Variants in MYBPC3 observed in about 807,000 individuals in gnomAD.
MYBPC3 encodes myosin-binding protein C, cardiac-type.
Under a neutral mutation model 159.3 loss-of-function variants are expected in MYBPC3, and 108 were observed. The observed-to-expected ratio is 0.68, with a 90% CI of 0.58 to 0.80. The LOEUF is 0.80. MYBPC3 is among the 30% of genes least tolerant of loss of function. The pLI is 0.00. For missense variants in MYBPC3, 1,631 were observed against 1,762.1 expected (o/e 0.93, Z 1.33); for synonymous variants, 730 against 702.0 (o/e 1.04, Z -0.63).
intron 8 of MYBPC3, 68 bp from the exon 9 acceptor site, chr11:47,347,547 T>C (rs1390882264): frequency 1.3e-6 from 2 of 1,562,682 alleles, no homozygotes; most frequent in African/African-American, 2.7e-5. Context: ...AGGATGGGAG[T>C]GGAGTGGGGA....
At position 47,333,091 on chromosome 11, in the gene MYBPC3, G is replaced by A. The variant is rs1016345675; in HGVS notation, c.3330+103C>T. 4 of 1,521,182 alleles carry A rather than the reference G, an allele frequency of 2.6e-6. No homozygotes were observed. The Admixed American group carries it at 8.0e-5, about 30-fold the overall frequency. The allele number at this position is 1,521,182 out of a possible 1,614,324, so 94.2% of individuals were successfully genotyped here. A position where few individuals can be genotyped will look rare whatever the true frequency, so the allele number is the denominator to read the frequency against. Reference sequence around the variant, plus strand: ...CTATGGAGGGATTCAGATCAGCAGAGGGAGGGTGAGGGGTCCACGGTGAGG... The same window carrying A: ...CTATGGAGGGATTCAGATCAGCAGAAGGAGGGTGAGGGGTCCACGGTGAGG... On this transcript the variant is annotated intron_variant, in intron 30 of 34. Transcript: ENST00000545968.
chr11:47,332,653 G>C lies in MYBPC3; in HGVS notation c.3540C>G (p.Ala1180=). The C allele has an allele frequency of 6.2e-7, 1 of 1,613,744 alleles. No homozygotes were observed. The highest frequency in any genetic ancestry group is 8.5e-7 in the Non-Finnish European group (1 of 1,179,808). ...PNYKALDFSE[A]PSFTQPLVNR... is the part of the protein sequence containing the mutation. ...TCACCAGGGGCTGGGTGAAGCTTGG[G>C]GCCTCGGAGAAGTCCAGGGCCTTAT... Residue 1180 remains alanine, a synonymous_variant, in exon 32 of 35, where the codon GCC becomes GCG. Transcript: ENST00000545968. The surrounding 1 kb of genome is among the most constrained non-coding windows in gnomAD (Gnocchi z 4.2).
chr11:47,342,809 C>T lies in MYBPC3; in HGVS notation c.1457+21G>A, dbSNP rs373530475. On this transcript the variant is annotated intron_variant, in intron 16 of 34. Coordinates refer to ENST00000545968, the MANE Select transcript of MYBPC3 (RefSeq NM_000256.3). ...TGGGCAGATGCCCCCAACACCCATG[C>T]CCCGTGCTTCTGGAACTCACCATTT... is the stretch of plus-strand genomic sequence containing the variant. 4.3e-6 allele frequency: 7 copies of T among 1,612,216 alleles called. No individual in the cohort carries two copies. In the East Asian group the frequency reaches 1.3e-4, roughly 31 times the overall value.
chr11:47,351,323 C>T lies in MYBPC3; in HGVS notation c.208G>A (p.Glu70Lys). The change falls in exon 2 of 35, where the codon GAA becomes AAA. Residue 70 changes from glutamate to lysine, a missense_variant. Physicochemically the swap from Glu to Lys is moderately conservative, Grantham distance 56. Coordinates refer to ENST00000545968, the MANE Select transcript of MYBPC3 (RefSeq NM_000256.3). This position sits in a 1 kb window ranked among gnomAD's most constrained non-coding sequence, Gnocchi z 4.2. ...EGTRHTLTVR[E>K]VGPADQGSYA... ...GATCCCTGGTCGGCAGGGCCCACTT[C>T]CCGCACTGTCAGCGTATGCCGTGTG... is the stretch of plus-strand genomic sequence containing the variant. 1 of 1,590,196 alleles carries T rather than the reference C, an allele frequency of 6.3e-7. No homozygotes were observed. Among genetic ancestry groups the T allele is most frequent in the Non-Finnish European group, 8.6e-7 (1 of 1,168,660 alleles).
rs1488618086 is a variant in MYBPC3 at position 47,332,925 on chromosome 11, G to A, written c.3379C>T (p.Pro1127Ser). 6.8e-6 allele frequency: 11 copies of A among 1,610,406 alleles called. No homozygotes were observed. Among genetic ancestry groups the A allele is most frequent in the Middle Eastern group, 1.7e-4 (1 of 6,058 alleles). Reference protein sequence around the residue: ...EHYRRTHCVVPELIIGNGYYF... With the variant: ...EHYRRTHCVVSELIIGNGYYF... ...TAGCCATTGCCAATGATGAGCTCTG[G>A]CACCACGCAGTGGGTGCGGCGGTAA... The change falls in exon 31 of 35, where the codon CCA becomes TCA. Residue 1127 changes from proline to serine, a missense_variant. Coordinates refer to ENST00000545968, the MANE Select transcript of MYBPC3 (RefSeq NM_000256.3). This position sits in a 1 kb window ranked among gnomAD's most constrained non-coding sequence, Gnocchi z 4.2.
intron 12 of MYBPC3, among the ~76,000 whole-genome samples, chr11:47,344,936 G>A (rs780077429): frequency 4.6e-5 from 7 of 152,108 alleles, no homozygotes; most frequent in Non-Finnish European, 8.8e-5. Flanking sequence ...GATTACAGGC[G>A]CCTGCCACCA....
rs374349666 is a variant in MYBPC3 at position 47,342,601 on chromosome 11, G to C, written c.1601C>G (p.Ala534Gly). The change falls in exon 17 of 35, where the codon GCG becomes GGG. Residue 534 changes from alanine (A) to glycine (G), a missense_variant. Transcript: ENST00000545968. Reference protein sequence around the residue: ...HYALCTSGGQALAELIVQEKK... With the variant: ...HYALCTSGGQGLAELIVQEKK... ...ACCCTGCACAATGAGCTCAGCCAGC[G>C]CCTGGCCCCCGCTAGTGCACAGTGC... 1 of 1,609,936 alleles carries C rather than the reference G, an allele frequency of 6.2e-7. No homozygotes were observed. Among genetic ancestry groups the C allele is most frequent in the South Asian group, 1.1e-5 (1 of 90,706 alleles).
Position 47,339,886 on chromosome 11 carries a change from T to C in MYBPC3, c.1928-96A>G, listed in dbSNP as rs1595844993. On this transcript the variant is annotated intron_variant, in intron 20 of 34. Transcript: ENST00000545968. ...GCTCAAGAGCCTGGGCCCCTGGTTA[T>C]TGGTTTTTTAGATTTGTATTGAGGT... The C allele has an allele frequency of 4.3e-6, 6 of 1,401,170 alleles. No homozygotes were observed. In the East Asian group the frequency reaches 1.2e-4, roughly 27 times the overall value. The allele number at this position is 1,401,170 out of a possible 1,614,324, so 86.8% of individuals were successfully genotyped here.
chr11:47,339,063 G>T (rs1473622027), intron 22 of MYBPC3, among the ~76,000 whole-genome samples: 1 of 152,212 alleles, frequency 6.6e-6, no homozygotes, highest in African/African-American at 2.4e-5. Flanking sequence ...GTCAGCTTAG[G>T]ATGAAGGGAG....
At position 47,333,212 on chromosome 11, in the gene MYBPC3, T is replaced by C; in HGVS notation, c.3312A>G (p.Lys1104=). Residue 1104 remains lysine, a synonymous_variant, in exon 30 of 35, where the codon AAA becomes AAG. Coordinates refer to ENST00000545968, the MANE Select transcript of MYBPC3 (RefSeq NM_000256.3). ...NTELWGYTVQ[K]ADKKTMEWFT... Reference sequence around the variant, plus strand: ...GGCTCACCATGGTCTTCTTGTCGGCTTTCTGCACTGTGTACCCCCAGAGCT... The same window carrying C: ...GGCTCACCATGGTCTTCTTGTCGGCCTTCTGCACTGTGTACCCCCAGAGCT... 2 of 1,601,642 alleles carry C rather than the reference T, an allele frequency of 1.2e-6. No individual in the cohort carries two copies. Among genetic ancestry groups the C allele is most frequent in the Non-Finnish European group, 1.7e-6 (2 of 1,174,032 alleles).
At position 47,351,120 on chromosome 11, in the gene MYBPC3, A is replaced by G; in HGVS notation, c.292+119T>C. ...AAAGGGCGTTCCTGGCGGGGGGCAC[A>G]GCCACAGCAAAGGCAAGAAAGTGTG... On this transcript the variant is annotated intron_variant, in intron 2 of 34. Transcript: ENST00000545968. The surrounding 1 kb of genome is among the most constrained non-coding windows in gnomAD (Gnocchi z 4.2). The G allele has an allele frequency of 5.4e-6, 7 of 1,299,986 alleles. No homozygotes were observed. The South Asian group carries it at 1.2e-4, about 22-fold the overall frequency. The allele number at this position is 1,299,986 out of a possible 1,614,324, so 80.5% of individuals were successfully genotyped here.
In MYBPC3 at chr11:47,346,509, C is replaced by A; in HGVS notation, c.926+118G>T. 1 of 1,466,714 alleles carries A rather than the reference C, an allele frequency of 6.8e-7. No homozygotes were observed. Among genetic ancestry groups the A allele is most frequent in the East Asian group, 2.4e-5 (1 of 42,458 alleles). 90.9% of individuals were successfully genotyped at this position (1,466,714 alleles called of 1,614,324 possible). On this transcript the variant is annotated intron_variant, in intron 11 of 34. Coordinates refer to ENST00000545968, the MANE Select transcript of MYBPC3 (RefSeq NM_000256.3). The surrounding 1 kb of genome is among the most constrained non-coding windows in gnomAD (Gnocchi z 5.3). ...TTCTGGTGGGGCAGCTGGAGCTGCT[C>A]TGGGTCCCAGGCCAGGCAGGACTGG...
At chr11:47,350,826 G>A (rs2071304) in intron 2 of MYBPC3, among the ~76,000 whole-genome samples, 1 of 152,020 alleles carries the variant, frequency 6.6e-6, no homozygotes, top group African/African-American at 2.4e-5. Flanking sequence ...CAGGCCATCA[G>A]TTCCCATGTC....
In MYBPC3 at chr11:47,350,092, T is replaced by G. The variant is rs1340231544; in HGVS notation, c.427A>C (p.Asn143His). The change falls in exon 4 of 35, where the codon AAT becomes CAT. Residue 143 changes from asparagine (N) to histidine (H), a missense_variant. Asn to His is a moderately conservative substitution (Grantham distance 68, BLOSUM62 1). Coordinates refer to ENST00000545968, the MANE Select transcript of MYBPC3 (RefSeq NM_000256.3). Reference sequence around the variant, plus strand: ...TCGGGGGCTCCAGGGGTAGGACCATTGAGAGCTGCTGAGCTTGACCCTGTG... The same window carrying G: ...TCGGGGGCTCCAGGGGTAGGACCATGGAGAGCTGCTGAGCTTGACCCTGTG... Reference protein sequence around the residue: ...SPKGSSSAALNGPTPGAPDDP... With the variant: ...SPKGSSSAALHGPTPGAPDDP... 1 of 1,556,414 alleles carries G rather than the reference T, an allele frequency of 6.4e-7. No homozygotes were observed. Among genetic ancestry groups the G allele is most frequent in the East Asian group, 2.4e-5 (1 of 41,398 alleles).
At chr11:47,340,272 CACAT>C (rs1225538822) in intron 20 of MYBPC3, among the ~76,000 whole-genome samples, 1 of 152,012 alleles carries the variant, frequency 6.6e-6, no homozygotes, top group African/African-American at 2.4e-5. Flanking sequence ...CACACACAGA[CACAT>C]GCACACACAC....
rs377579620 is a variant in MYBPC3, at chr11:47,351,399, G to A, written c.132C>T (p.Arg44=). 8.6e-5 allele frequency: 138 copies of A among 1,609,520 alleles called. 2 individuals carry two copies. The Middle Eastern group carries it at 1.7e-3, about 19-fold the overall frequency. Residue 44 remains arginine, a synonymous_variant, in exon 2 of 35, where the codon CGC becomes CGT. Coordinates refer to ENST00000545968, the MANE Select transcript of MYBPC3 (RefSeq NM_000256.3). This position sits in a 1 kb window ranked among gnomAD's most constrained non-coding sequence, Gnocchi z 4.2. ...ERAGVKVRWQ[R]GGSDISASNK... is the part of the protein sequence containing the mutation. Reference sequence around the variant, plus strand: ...TGCTGGCGCTGATGTCACTGCCTCCGCGCTGCCAGCGCACCTTCACTCCTG... The same window carrying A: ...TGCTGGCGCTGATGTCACTGCCTCCACGCTGCCAGCGCACCTTCACTCCTG...
intron 9 of MYBPC3, 181 bp from the exon 10 acceptor site, chr11:47,347,210 G>C (rs1205798728): frequency 4.1e-6 from 4 of 985,346 alleles, no homozygotes; most frequent in Non-Finnish European, 4.8e-6. Flanking sequence ...GTGTGGAGTG[G>C]CCGTGGGGGA....
rs551888783 is a variant in MYBPC3, at chr11:47,350,546, G to A, written c.362C>T (p.Pro121Leu). 80 of 1,552,820 alleles carry A rather than the reference G, an allele frequency of 5.2e-5. No individual in the cohort carries two copies. The Middle Eastern group carries it at 8.9e-4, about 17-fold the overall frequency. ...TTCTCCCAGCTCAGCGGCTGGGGCC[G>A]GGGCTTCTCCAGGGGCTCCAGTGGC... Reference protein sequence around the residue: ...AEATGAPGEAPAPAAELGESA... With the variant: ...AEATGAPGEALAPAAELGESA... Residue 121 changes from proline to leucine, a missense_variant, in exon 3 of 35, where the codon CCG becomes CTG. Pro to Leu is a moderately conservative substitution (Grantham distance 98). Transcript: ENST00000545968.
chr11:47,340,648 CAGAG>C (rs1042733952), intron 20 of MYBPC3, among the ~76,000 whole-genome samples: 31 of 151,794 alleles, frequency 2.0e-4, no homozygotes, highest in Admixed American at 1.7e-3. Context: ...GCGTGGGCGA[CAGAG>C]GGAGACTCCG....
Sources: allele counts gnomAD v4.1 joint callset (sites outside exome capture counted in the v4.1 genomes callset), GRCh38; gene constraint gnomAD v4.1.1; non-coding constraint Gnocchi (gnomAD v3.1); transcripts MANE v1.5; gene names NCBI Gene and HGNC (gene_info 2026-07-23, HGNC 2026-07-21).